DISP1: variants seen among roughly 807,000 people sequenced by gnomAD.
DISP1 encodes the protein protein dispatched homolog 1.
DISP1 carries 30 observed loss-of-function variants against 37.3 expected under a neutral mutation model. The observed-to-expected ratio is 0.80, with a 90% confidence interval of 0.60 to 1.09. The LOEUF (loss-of-function observed/expected upper bound fraction) is 1.09, where lower values mean the gene tolerates loss of function less well. Ranked by LOEUF, DISP1 falls within the 50% of genes least tolerant of loss-of-function variation. The probability of loss-of-function intolerance (pLI) is 0.00; values close to 1 mark genes in which losing one functional copy is unlikely to be tolerated. For synonymous variants in DISP1, 634 were observed against 690.2 expected, an observed-to-expected ratio of 0.92 and a Z score of 1.28; for missense variants, 1,598 against 1,879.5, an observed-to-expected ratio of 0.85 and a Z score of 2.77.
In DISP1 at chr1:222,942,902, C is replaced by T. The variant is rs1674486364; in HGVS notation, c.79C>T (p.Pro27Ser). 6.2e-7 allele frequency: 1 copy of T among 1,614,030 alleles called. No individual in the cohort carries two copies. Among genetic ancestry groups the T allele is most frequent in the African/African-American group, 1.3e-5 (1 of 74,906 alleles). Residue 27 changes from proline to serine, a missense_variant, in exon 3 of 9, where the codon CCC becomes TCC. Coordinates refer to ENST00000675850, the MANE Select transcript of DISP1 (RefSeq NM_001377229.1). ...CGCAACCAGTGCTGCTAACCCGAGT[C>T]CCCTCACCCCCTGTGATGGAGACCA... ...SIATSAANPS[P>S]LTPCDGDHAA...
Position 222,942,380 on chromosome 1 carries a change from G to A in DISP1, c.-17-427G>A, listed in dbSNP as rs191108654. Among the ~76,000 whole-genome samples, 39 of 152,250 alleles carry A rather than the reference G, an allele frequency of 2.6e-4. No homozygotes were observed. In the East Asian group the frequency reaches 6.0e-3, roughly 23 times the overall value. ...AACCTTGTACAATGAATTACCCTCAGAGTGGCCCTTCATTTTGCCCGTCAC... is the reference window on the plus strand; with the variant it reads ...AACCTTGTACAATGAATTACCCTCAAAGTGGCCCTTCATTTTGCCCGTCAC... On this transcript the variant is annotated intron_variant, in intron 2 of 8. Transcript: ENST00000675850.
chr1:222,827,837 T>C (rs974311820), intron 1 of DISP1, among the ~76,000 whole-genome samples: 4 of 152,150 alleles, frequency 2.6e-5, no homozygotes, highest in African/African-American at 9.7e-5. Context: ...CTACATATAA[T>C]TTGATTTAGA....
rs75677880 is a variant in DISP1 at position 222,897,030 on chromosome 1, A to G, written c.-158-31400A>G. Among the ~76,000 whole-genome samples the G allele has an allele frequency of 5.5e-4, 84 of 152,372 alleles. 2 individuals are homozygous for G. In the East Asian group the frequency reaches 0.014, roughly 26 times the overall value. On this transcript the variant is annotated intron_variant, in intron 1 of 8. Coordinates refer to ENST00000675850, the MANE Select transcript of DISP1 (RefSeq NM_001377229.1). ...ACATACATGAAAACATGTGCCCACA[A>G]AAAGACTAACTTATGAGTGTCCATG...
chr1:222,970,924 G>A (rs1036674940), intron 3 of DISP1, among the ~76,000 whole-genome samples: 2 of 151,966 alleles, frequency 1.3e-5, no homozygotes, highest in Non-Finnish European at 1.5e-5. Context: ...AAGTGTAAAA[G>A]GGACATTATT....
intron 1 of DISP1, among the ~76,000 whole-genome samples, chr1:222,838,212 T>G (rs1206410551): frequency 6.6e-6 from 1 of 152,210 alleles, no homozygotes; most frequent in Non-Finnish European, 1.5e-5. Flanking sequence ...GTTATAATTA[T>G]GTATTGTTCA....
chr1:222,949,891 T>C (rs1454461337), intron 3 of DISP1, among the ~76,000 whole-genome samples: 1 of 152,184 alleles, frequency 6.6e-6, no homozygotes, highest in East Asian at 1.9e-4. Context: ...CCTCCCAAAG[T>C]GCTGGGATTA....
At chr1:222,921,388 T>G (rs1672802657) in intron 1 of DISP1, among the ~76,000 whole-genome samples, 1 of 152,160 alleles carries the variant, frequency 6.6e-6, no homozygotes, top group African/African-American at 2.4e-5. Context: ...TGAAAACTCT[T>G]TATTTTTTTT....
chr1:222,856,706 G>GT (rs11441357), intron 1 of DISP1, among the ~76,000 whole-genome samples: 27,486 of 131,830 alleles, frequency 0.21, 3,189 homozygotes, highest in South Asian at 0.32. Context: ...ATTATAATTC[G>GT]TTTTTTTTTT....
At chr1:222,850,744 C>T (rs1188824605) in intron 1 of DISP1, among the ~76,000 whole-genome samples, 1 of 152,134 alleles carries the variant, frequency 6.6e-6, no homozygotes, top group Admixed American at 6.5e-5. Flanking sequence ...CCTCCAGTTC[C>T]CTCCATGTTC....
intron 3 of DISP1, among the ~76,000 whole-genome samples, chr1:222,963,049 C>T (rs1450126407): frequency 6.6e-6 from 1 of 152,130 alleles, no homozygotes; most frequent in Non-Finnish European, 1.5e-5. Flanking sequence ...GGACTAATAT[C>T]CAGAATCTAC....
At chr1:222,872,789 T>A (rs1669666684) in intron 1 of DISP1, among the ~76,000 whole-genome samples, 1 of 152,202 alleles carries the variant, frequency 6.6e-6, no homozygotes, top group Admixed American at 6.5e-5. Flanking sequence ...TCTGCTCTGA[T>A]CTTAGTTATT....
At chr1:222,942,719 A>AT in intron 2 of DISP1, 88 bp from the exon 3 acceptor site, 1 of 1,487,366 alleles carries the variant, frequency 6.7e-7, no homozygotes, top group Non-Finnish European at 9.3e-7. Context: ...CTCATTTTCA[A>AT]TGAGCTGTTT....
intron 3 of DISP1, among the ~76,000 whole-genome samples, chr1:222,963,336 A>G (rs1303837684): frequency 2.0e-5 from 3 of 152,238 alleles, no homozygotes; most frequent in African/African-American, 7.2e-5. Flanking sequence ...AATGTAAATT[A>G]GTTCAACCAT....
At chr1:222,890,959 A>G (rs1670906406) in intron 1 of DISP1, among the ~76,000 whole-genome samples, 3 of 152,162 alleles carry the variant, frequency 2.0e-5, no homozygotes, top group Admixed American at 6.5e-5. Flanking sequence ...CTACTCCAGT[A>G]TGAACTCATT....
intron 1 of DISP1, among the ~76,000 whole-genome samples, chr1:222,887,880 T>C (rs550643842): frequency 8.5e-5 from 13 of 152,230 alleles, no homozygotes; most frequent in African/African-American, 1.9e-4. Flanking sequence ...ATTTGACCAA[T>C]TGGAACAAGG....
At chr1:222,887,779 TGAGCCACC>T (rs150461934) in intron 1 of DISP1, among the ~76,000 whole-genome samples, 35,474 of 150,016 alleles carry the variant, frequency 0.24, 7,338 homozygotes, top group Middle Eastern at 0.38. Context: ...ATTACAGGCG[TGAGCCACC>T]GCGCCCGGCC....
At chr1:222,843,565 G>GC (rs1482973764) in intron 1 of DISP1, among the ~76,000 whole-genome samples, 1 of 115,078 alleles carries the variant, frequency 8.7e-6, no homozygotes, top group Non-Finnish European at 2.0e-5. Flanking sequence ...ATGAAGGATG[G>GC]GGGGGGGAAA....
At chr1:222,832,379 T>C (rs767852902) in intron 1 of DISP1, among the ~76,000 whole-genome samples, 6 of 152,218 alleles carry the variant, frequency 3.9e-5, no homozygotes, top group African/African-American at 7.2e-5. Context: ...CATCAAGTCA[T>C]TGATTTTTAT....
At chr1:222,937,397 A>G (rs888337044) in intron 2 of DISP1, among the ~76,000 whole-genome samples, 4 of 151,922 alleles carry the variant, frequency 2.6e-5, no homozygotes, top group Non-Finnish European at 5.9e-5. Context: ...GCCCCTCTCT[A>G]TACTTCAATA....
Sources: gnomAD v4.1 joint callset for allele counts (sites outside exome capture counted in the v4.1 genomes callset) on GRCh38, gnomAD v4.1.1 for gene constraint, MANE v1.5 for transcripts, NCBI Gene and HGNC (gene_info 2026-07-23, HGNC 2026-07-21) for gene names.